SNTG2: variants seen among roughly 807,000 people sequenced by gnomAD.
SNTG2 encodes gamma-2-syntrophin.
Under a neutral mutation model 70.9 loss-of-function variants are expected in SNTG2, and 74 were observed. The ratio of observed to expected loss-of-function variants is 1.04; its 90% CI spans 0.86 to 1.27. The LOEUF is 1.27. Ranked by LOEUF, SNTG2 falls within the 50% of genes most tolerant of loss-of-function variation. The probability of loss-of-function intolerance (pLI) is 0.00; values close to 1 mark genes in which losing one functional copy is unlikely to be tolerated. For missense variants in SNTG2, 717 were observed against 690.7 expected, an observed-to-expected ratio of 1.04 and a Z score of -0.43; for synonymous variants, 278 against 273.8, an observed-to-expected ratio of 1.02 and a Z score of -0.15.
intron 4 of SNTG2, among the ~76,000 whole-genome samples, 184 bp from the exon 5 acceptor site, chr2:1,137,438 A>T (rs1668464281): frequency 3.3e-5 from 5 of 151,364 alleles, no homozygotes; most frequent in Admixed American, 3.3e-4. Flanking sequence ...ATGCACACAC[A>T]TGCATACATT....
intron 10 of SNTG2, among the ~76,000 whole-genome samples, chr2:1,239,489 T>C (rs1676909749): frequency 6.6e-6 from 1 of 152,222 alleles, no homozygotes; most frequent in South Asian, 2.1e-4. Context: ...AAGCACCTGC[T>C]CTTGAAGTGT....
chr2:1,190,204 G>T (rs947387844), intron 8 of SNTG2, among the ~76,000 whole-genome samples: 2 of 151,940 alleles, frequency 1.3e-5, no homozygotes, highest in Non-Finnish European at 2.9e-5. Context: ...AGGACACACT[G>T]TAGATAACAA....
At position 1,222,055 on chromosome 2, in the gene SNTG2, CTG is replaced by C. The variant is rs1675129701; in HGVS notation, c.719+12827_719+12828del. Among the ~76,000 whole-genome samples, 14 of 95,026 alleles carry C rather than the reference CTG, an allele frequency of 1.5e-4. 3 individuals carry two copies. Among genetic ancestry groups the C allele is most frequent in the Non-Finnish European group, 2.3e-4 (10 of 44,334 alleles). 62.3% of individuals were successfully genotyped at this position (95,026 alleles called of 152,430 possible). On this transcript the variant is annotated intron_variant, in intron 9 of 16. Transcript: ENST00000308624. ...TATCTCTGTCTCTCTCTGTCTCTCTCTGTCTCTGTTTCTCTCTGTCTCTGTCT... is the reference window on the plus strand; with the variant it reads ...TATCTCTGTCTCTCTCTGTCTCTCTCTCTCTGTTTCTCTCTGTCTCTGTCT...
chr2:1,283,795 G>A (rs1679656244), intron 14 of SNTG2, among the ~76,000 whole-genome samples: 1 of 152,156 alleles, frequency 6.6e-6, no homozygotes. Context: ...CTGTGGAGGC[G>A]GCTTTTCCTG....
At chr2:1,314,719 G>C (rs1681187279) in intron 15 of SNTG2, among the ~76,000 whole-genome samples, 1 of 151,974 alleles carries the variant, frequency 6.6e-6, no homozygotes, top group Non-Finnish European at 1.5e-5. Flanking sequence ...CCCAAGGCTG[G>C]GTAATTTATA....
chr2:1,220,872 G>T (rs1173442894), intron 9 of SNTG2, among the ~76,000 whole-genome samples: 1 of 152,200 alleles, frequency 6.6e-6, no homozygotes, highest in Non-Finnish European at 1.5e-5. Flanking sequence ...CCCTCCACGG[G>T]CACGTAGGTG....
intron 16 of SNTG2, among the ~76,000 whole-genome samples, chr2:1,339,003 C>T (rs1411213128): frequency 3.3e-5 from 5 of 152,306 alleles, no homozygotes; most frequent in East Asian, 1.9e-4. Flanking sequence ...CCAATTTCTC[C>T]GCATCCTCAT....
chr2:1,009,898 A>T (rs946613013), intron 1 of SNTG2, among the ~76,000 whole-genome samples: 1 of 152,164 alleles, frequency 6.6e-6, no homozygotes, highest in African/African-American at 2.4e-5. Flanking sequence ...TTTGTAAACG[A>T]ATCAGAAGTC....
rs1026160066 is a variant in SNTG2, at chr2:1,266,927, G to T, written c.1078-438G>T. ...TGCTGCCACACCTGGCTAATTTGTT[G>T]TATTTTATTTATTCATTTATTTTTG... On this transcript the variant is annotated intron_variant, in intron 13 of 16. Transcript: ENST00000308624. Among the ~76,000 whole-genome samples, 3 of 151,686 alleles carry T rather than the reference G, an allele frequency of 2.0e-5. No individual in the cohort carries two copies. The East Asian group carries it at 5.8e-4, about 29-fold the overall frequency.
At chr2:1,231,767 C>A (rs138940182) in intron 9 of SNTG2, among the ~76,000 whole-genome samples, 1 of 152,138 alleles carries the variant, frequency 6.6e-6, no homozygotes, top group Non-Finnish European at 1.5e-5. Flanking sequence ...ACCACCTTCC[C>A]GTGACAAACC....
chr2:1,166,948 A>G (rs777185223), intron 7 of SNTG2, among the ~76,000 whole-genome samples: 13 of 152,166 alleles, frequency 8.5e-5, no homozygotes, highest in Non-Finnish European at 1.5e-4. Flanking sequence ...TTGCCACTCC[A>G]TGCCCCTTCT....
At chr2:1,308,053 T>C (rs1386289881) in intron 14 of SNTG2, among the ~76,000 whole-genome samples, 1 of 152,206 alleles carries the variant, frequency 6.6e-6, no homozygotes, top group Non-Finnish European at 1.5e-5. Context: ...TTCAGAATTT[T>C]CTCAGGAAAG....
intron 12 of SNTG2, among the ~76,000 whole-genome samples, chr2:1,249,764 G>A (rs1677647703): frequency 6.6e-6 from 1 of 152,148 alleles, no homozygotes; most frequent in South Asian, 2.1e-4. Context: ...ATTTTAAGTT[G>A]TGCTTCTTTT....
chr2:967,175 C>A (rs1572173276), intron 1 of SNTG2, among the ~76,000 whole-genome samples: 1 of 152,188 alleles, frequency 6.6e-6, no homozygotes, highest in South Asian at 2.1e-4. Context: ...GTGTGTGTTT[C>A]TTTTATTTCT....
At chr2:1,241,475 T>A (rs1338970918) in intron 11 of SNTG2, among the ~76,000 whole-genome samples, 1 of 124,258 alleles carries the variant, frequency 8.0e-6, no homozygotes, top group Non-Finnish European at 1.9e-5. Context: ...CTTTTTTTTT[T>A]ATTATTATTA....
intron 16 of SNTG2, among the ~76,000 whole-genome samples, chr2:1,316,981 G>C (rs1413826158): frequency 1.7e-5 from 2 of 116,260 alleles, no homozygotes; most frequent in African/African-American, 6.4e-5. Context: ...CATTGGAGAA[G>C]GTTGGGATTC....
intron 1 of SNTG2, among the ~76,000 whole-genome samples, chr2:1,017,812 G>T (rs891825490): frequency 6.6e-5 from 10 of 152,222 alleles, no homozygotes; most frequent in African/African-American, 2.2e-4. Context: ...CGTGAGGGCA[G>T]TGTTAGCTAT....
chr2:1,284,874 G>A (rs1679702939), intron 14 of SNTG2, among the ~76,000 whole-genome samples: 1 of 148,786 alleles, frequency 6.7e-6, no homozygotes, highest in South Asian at 2.2e-4. Context: ...TATACTTACT[G>A]TATTAGTCAG....
intron 1 of SNTG2, among the ~76,000 whole-genome samples, chr2:978,365 T>C (rs1353150892): frequency 6.6e-6 from 1 of 152,244 alleles, no homozygotes; most frequent in Admixed American, 6.5e-5. Flanking sequence ...TAGAAATTAT[T>C]ACTTTTCATT....
Sources: allele counts gnomAD v4.1 joint callset (sites outside exome capture counted in the v4.1 genomes callset), GRCh38; gene constraint gnomAD v4.1.1; transcripts MANE v1.5; gene names NCBI Gene and HGNC (gene_info 2026-07-23, HGNC 2026-07-21).